HMCN1: variants seen among roughly 807,000 people sequenced by gnomAD.
The protein encoded by HMCN1 is hemicentin-1.
Under a neutral mutation model 625.9 loss-of-function variants are expected in HMCN1, and 321 were observed. The ratio of observed to expected loss-of-function variants is 0.51; its 90% confidence interval spans 0.47 to 0.56. The LOEUF (loss-of-function observed/expected upper bound fraction) is 0.56. Among genes scored for constraint, HMCN1 ranks in the 20% least tolerant of loss-of-function variants. The probability of loss-of-function intolerance (pLI) is 0.00; values close to 1 mark genes in which losing one functional copy is unlikely to be tolerated. For missense variants in HMCN1, 6,588 were observed against 6,887.3 expected, an observed-to-expected ratio of 0.96 and a Z score of 1.54; for synonymous variants, 2,425 against 2,417.6, an observed-to-expected ratio of 1.00 and a Z score of -0.09.
intron 104 of HMCN1, among the ~76,000 whole-genome samples, chr1:186,179,851 G>C (rs1652834741): frequency 6.6e-6 from 1 of 152,018 alleles, no homozygotes; most frequent in Non-Finnish European, 1.5e-5. Flanking sequence ...ACCTTAGGTG[G>C]ATTCATCTTC....
intron 66 of HMCN1, 33 bp from the exon 67 acceptor site, chr1:186,094,243 A>G: frequency 6.9e-7 from 1 of 1,454,400 alleles, no homozygotes; most frequent in East Asian, 2.3e-5. Context: ...GTATGGGAGC[A>G]AGTGATGAAA....
chr1:186,153,682 TA>T, intron 96 of HMCN1, 67 bp from the exon 97 acceptor site: 1 of 1,260,522 alleles, frequency 7.9e-7, no homozygotes, highest in Non-Finnish European at 1.2e-6. Flanking sequence ...CTGCATTTCA[TA>T]GTCCCCTTAA....
chr1:186,170,002 G>GA (rs200278129), intron 100 of HMCN1, among the ~76,000 whole-genome samples: 1 of 150,672 alleles, frequency 6.6e-6, no homozygotes, highest in Admixed American at 6.6e-5. Flanking sequence ...ATCAAAAAGT[G>GA]GTCAAAGGAT....
At chr1:186,048,966 A>G (rs1009285334) in intron 42 of HMCN1, 127 bp downstream of exon 42, 2 of 684,236 alleles carry the variant, frequency 2.9e-6, no homozygotes, top group African/African-American at 1.8e-5. Flanking sequence ...GTACATTTAC[A>G]TGGTGCTGAA....
intron 1 of HMCN1, among the ~76,000 whole-genome samples, chr1:185,770,745 G>T (rs554621613): frequency 6.6e-6 from 1 of 152,118 alleles, no homozygotes; most frequent in Non-Finnish European, 1.5e-5. Context: ...ATATTCACTT[G>T]CTTCCTCTAT....
At chr1:186,172,531 A>T (rs1226147379) in intron 102 of HMCN1, among the ~76,000 whole-genome samples, 1 of 152,200 alleles carries the variant, frequency 6.6e-6, no homozygotes, top group African/African-American at 2.4e-5. Context: ...TATATTCCTT[A>T]AATATCAAAT....
intron 2 of HMCN1, 139 bp downstream of exon 2, chr1:185,846,235 C>T: frequency 1.5e-6 from 1 of 672,728 alleles, no homozygotes; most frequent in Non-Finnish European, 2.6e-6. Flanking sequence ...CCCCAGCCCT[C>T]AACCTGAGTC....
chr1:185,988,194 C>A (rs577349731), intron 20 of HMCN1, among the ~76,000 whole-genome samples: 4 of 152,162 alleles, frequency 2.6e-5, no homozygotes, highest in African/African-American at 9.7e-5. Flanking sequence ...CTATGTATGA[C>A]TAAAAATTGT....
At chr1:186,117,214 C>G in intron 76 of HMCN1, 99 bp downstream of exon 76, 1 of 1,495,838 alleles carries the variant, frequency 6.7e-7, no homozygotes, top group Non-Finnish European at 9.2e-7. Flanking sequence ...TTTTTTTAAA[C>G]ATTTATTTTA....
chr1:185,927,158 GT>G (rs1241579695), intron 9 of HMCN1, among the ~76,000 whole-genome samples: 3 of 152,106 alleles, frequency 2.0e-5, no homozygotes, highest in Non-Finnish European at 4.4e-5. Context: ...CCATCAATCT[GT>G]TTTTGATGAA....
chr1:186,174,554 T>C lies in HMCN1; in HGVS notation c.15855T>C (p.Tyr5285=). Residue 5285 remains tyrosine (Y), a synonymous_variant, in exon 103 of 107, where the codon TAT becomes TAC. Transcript: ENST00000271588. ...ECKDGTHQCR[Y]NQICENTRGS... is the part of the protein sequence containing the mutation. ...AAGATGGGACCCATCAGTGCAGATA[T>C]AACCAGATATGTGAGAATACAAGAG... 2 of 1,613,760 alleles carry C rather than the reference T, an allele frequency of 1.2e-6. No homozygotes were observed. The highest frequency in any genetic ancestry group is 1.7e-5 in the Admixed American group (1 of 60,026).
At chr1:185,778,297 A>C (rs1437892296) in intron 1 of HMCN1, among the ~76,000 whole-genome samples, 1 of 151,834 alleles carries the variant, frequency 6.6e-6, no homozygotes, top group Non-Finnish European at 1.5e-5. Context: ...GTGTTTCTCT[A>C]TGAAGGCTTC....
chr1:185,902,959 T>C (rs1665899374), intron 4 of HMCN1, among the ~76,000 whole-genome samples: 1 of 150,666 alleles, frequency 6.6e-6, no homozygotes, highest in African/African-American at 2.4e-5. Flanking sequence ...AAAAAAAACA[T>C]GTGAAACAAG....
rs1658827141 is a variant in HMCN1 at position 186,076,588 on chromosome 1, T to C, written c.8451T>C (p.Pro2817=). 1 of 1,613,640 alleles carries C rather than the reference T, an allele frequency of 6.2e-7. No individual in the cohort carries two copies. The highest frequency in any genetic ancestry group is 1.7e-5 in the Admixed American group (1 of 59,954). ...TGACATGGTACAAAGATGGCCACCC[T>C]CTGACCTCAAGTGATAAAGTATTGA... The part of the protein sequence containing the change: ...PTLTWYKDGH[P]LTSSDKVLIL... The change falls in exon 54 of 107, where the codon CCT becomes CCC. Residue 2817 remains proline (P), a synonymous_variant. Transcript: ENST00000271588.
intron 6 of HMCN1, among the ~76,000 whole-genome samples, chr1:185,920,931 GACTT>G (rs1363635332): frequency 2.0e-5 from 3 of 152,128 alleles, no homozygotes; most frequent in African/African-American, 7.2e-5. Flanking sequence ...CATTCTGACT[GACTT>G]ACATGAAATT....
Position 186,123,235 on chromosome 1 carries a change from A to G in HMCN1, c.12499+15A>G. On this transcript the variant is annotated intron_variant, in intron 81 of 106. Transcript: ENST00000271588. ...CACCGTCCATGGTAGGTTGTTTAACATGAATTATTTTAGTCTGCTGCACTA... is the reference window on the plus strand; with the variant it reads ...CACCGTCCATGGTAGGTTGTTTAACGTGAATTATTTTAGTCTGCTGCACTA... 1.2e-6 allele frequency: 2 copies of G among 1,610,490 alleles called. No homozygotes were observed. The highest frequency in any genetic ancestry group is 2.2e-5 in the South Asian group (2 of 90,442).
intron 100 of HMCN1, 134 bp downstream of exon 100, chr1:186,167,076 T>C (rs1651927641): frequency 8.8e-7 from 1 of 1,131,490 alleles, no homozygotes; most frequent in South Asian, 1.3e-5. Flanking sequence ...TGAGGAGATA[T>C]CCAGCAAGAG....
intron 4 of HMCN1, among the ~76,000 whole-genome samples, chr1:185,887,314 T>A (rs1042094791): frequency 9.9e-5 from 15 of 152,116 alleles, no homozygotes; most frequent in African/African-American, 3.1e-4. Context: ...TTATTTATTT[T>A]TTATTATTAT....
chr1:186,188,797 A>T (rs1234919891), intron 106 of HMCN1, among the ~76,000 whole-genome samples: 1 of 152,184 alleles, frequency 6.6e-6, no homozygotes, highest in Non-Finnish European at 1.5e-5. Flanking sequence ...TGGGACATGG[A>T]ATAGGAAGGA....
Sources: allele counts gnomAD v4.1 joint callset (sites outside exome capture counted in the v4.1 genomes callset), GRCh38; gene constraint gnomAD v4.1.1; transcripts MANE v1.5; gene names NCBI Gene and HGNC (gene_info 2026-07-23, HGNC 2026-07-21).